Variants in RABGAP1 observed in about 807,000 individuals in gnomAD.
The protein encoded by RABGAP1 is RAB GTPase activating protein 1.
RABGAP1 carries 23 observed loss-of-function variants against 137.6 expected under a neutral mutation model. The ratio of observed to expected loss-of-function variants is 0.17; its 90% CI spans 0.12 to 0.24. RABGAP1 has a LOEUF of 0.24. Among genes scored for constraint, RABGAP1 ranks in the 10% least tolerant of loss-of-function variants. The probability of loss-of-function intolerance (pLI) is 1.00; values close to 1 mark genes in which losing one functional copy is unlikely to be tolerated. For missense variants in RABGAP1, 906 were observed against 1,275.8 expected (o/e 0.71, Z 4.42); for synonymous variants, 451 against 450.7 (o/e 1.00, Z -0.01).
chr9:122,997,091 A>G, intron 8 of RABGAP1, 168 bp from the exon 9 acceptor site: 2 of 600,032 alleles, frequency 3.3e-6, no homozygotes, highest in South Asian at 2.1e-5. Flanking sequence ...GGACAGTTGC[A>G]TAAATAATTG....
chr9:122,944,792 G>A (rs1833847152), intron 1 of RABGAP1, among the ~76,000 whole-genome samples: 1 of 151,532 alleles, frequency 6.6e-6, no homozygotes, highest in Non-Finnish European at 1.5e-5. Flanking sequence ...GGCCAGGCTG[G>A]TCTCGAACTC....
chr9:123,080,702 G>A (rs2034678975), intron 19 of RABGAP1, among the ~76,000 whole-genome samples: 1 of 152,056 alleles, frequency 6.6e-6, no homozygotes, highest in African/African-American at 2.4e-5. Context: ...ACCTCGAAAG[G>A]GCGGTTCATG....
intron 12 of RABGAP1, among the ~76,000 whole-genome samples, chr9:123,016,368 G>A (rs653441): frequency 0.62 from 94,836 of 151,936 alleles, 36,750 homozygotes; most frequent in Non-Finnish European, 0.86. Context: ...TTAACTGGGC[G>A]TGGTGACGCA....
chr9:123,098,944 C>T lies in RABGAP1; in HGVS notation c.2817+146C>T, dbSNP rs1399880004. The T allele has an allele frequency of 9.2e-5, 51 of 551,362 alleles. No individual in the cohort carries two copies. The South Asian group carries it at 1.2e-3, about 13-fold the overall frequency. 34.2% of individuals were successfully genotyped at this position (551,362 alleles called of 1,614,324 possible). A position where few individuals can be genotyped will look rare whatever the true frequency, so the allele number is the denominator to read the frequency against. ...CTGCCCCTGCACTGACAAGTGGCTT[C>T]ACTTATTCTCAGTTGTAAAAGAAGG... On this transcript the variant is annotated intron_variant, in intron 23 of 25. Transcript: ENST00000373647.
At chr9:123,039,439 CTG>C (rs2032843389) in intron 13 of RABGAP1, among the ~76,000 whole-genome samples, 1 of 152,138 alleles carries the variant, frequency 6.6e-6, no homozygotes, top group Non-Finnish European at 1.5e-5. Flanking sequence ...ATAAATGACT[CTG>C]TAATTATTGC....
At chr9:122,986,165 C>T in intron 3 of RABGAP1, 50 bp from the exon 4 acceptor site, 2 of 1,544,474 alleles carry the variant, frequency 1.3e-6, no homozygotes, top group Non-Finnish European at 1.8e-6. Flanking sequence ...ATCGTATCAA[C>T]AAAATATCAA....
intron 10 of RABGAP1, among the ~76,000 whole-genome samples, chr9:123,008,796 A>G (rs2030542304): frequency 6.6e-6 from 1 of 152,154 alleles, no homozygotes; most frequent in Non-Finnish European, 1.5e-5. Flanking sequence ...TGGAACTTGG[A>G]TTTACATGGT....
At chr9:122,996,745 A>G (rs962309266) in intron 8 of RABGAP1, 140 bp downstream of exon 8, 21 of 739,716 alleles carry the variant, frequency 2.8e-5, no homozygotes, top group Non-Finnish European at 4.0e-5. Context: ...CAAAGGTAAG[A>G]TAATTTCCTT....
intron 10 of RABGAP1, among the ~76,000 whole-genome samples, chr9:123,001,960 A>G (rs1006664071): frequency 6.6e-5 from 10 of 152,212 alleles, no homozygotes; most frequent in Admixed American, 4.6e-4. Context: ...AGAAGAACGC[A>G]TCAGAAATTA....
In RABGAP1 at chr9:122,984,505, A is replaced by G. The variant is rs767963306; in HGVS notation, c.171A>G (p.Glu57=). ...CTTAGATTGTAGGGAATGGAAGTGA[A>G]CAGCAGCTGCAAAAAGAGCTAGCAG... The part of the protein sequence containing the change: ...TGLKIVGNGS[E]QQLQKELADV... Residue 57 remains glutamate (E), a synonymous_variant, in exon 3 of 26, where the codon GAA becomes GAG. Coordinates refer to ENST00000373647, the MANE Select transcript of RABGAP1 (RefSeq NM_012197.4). The G allele has an allele frequency of 6.2e-7, 1 of 1,614,036 alleles. No individual in the cohort carries two copies. The highest frequency in any genetic ancestry group is 2.2e-5 in the East Asian group (1 of 44,870).
At chr9:123,034,932 T>C in intron 13 of RABGAP1, 1 of 1,613,410 alleles carries the variant, frequency 6.2e-7, no homozygotes, top group Middle Eastern at 1.6e-4. Context: ...CTCTGGCCTG[T>C]ATCAGCATTG....
At chr9:123,024,890 A>G (rs1299471935) in intron 13 of RABGAP1, among the ~76,000 whole-genome samples, 1 of 152,186 alleles carries the variant, frequency 6.6e-6, no homozygotes, top group Non-Finnish European at 1.5e-5. Context: ...TCCTTTTCAT[A>G]TGCATTATAA....
intron 2 of RABGAP1, among the ~76,000 whole-genome samples, chr9:122,970,381 C>G (rs1439318615): frequency 6.6e-6 from 1 of 152,124 alleles, no homozygotes; most frequent in Admixed American, 6.6e-5. Context: ...CTGCAGTGCT[C>G]TATAAGCATG....
At chr9:122,960,175 A>G (rs982178078) in intron 2 of RABGAP1, among the ~76,000 whole-genome samples, 1 of 152,222 alleles carries the variant, frequency 6.6e-6, no homozygotes, top group African/African-American at 2.4e-5. Flanking sequence ...AAACTAGGGA[A>G]AGACACAGCT....
At chr9:123,030,961 A>T (rs562806523) in intron 13 of RABGAP1, among the ~76,000 whole-genome samples, 9 of 151,902 alleles carry the variant, frequency 5.9e-5, no homozygotes, top group South Asian at 2.1e-4. Flanking sequence ...TTTTTTTTTT[A>T]AAGTTTCTTA....
chr9:123,021,179 T>A (rs1055898336), intron 13 of RABGAP1, among the ~76,000 whole-genome samples: 25 of 152,164 alleles, frequency 1.6e-4, no homozygotes, highest in African/African-American at 6.0e-4. Context: ...GCTCAGAATC[T>A]TCAAGAATAT....
chr9:122,976,610 G>T (rs77569890), intron 2 of RABGAP1, among the ~76,000 whole-genome samples: 2,407 of 152,208 alleles, frequency 0.016, 35 homozygotes, highest in South Asian at 0.067. Flanking sequence ...TACTGCTTTG[G>T]CTTCCATTCT....
intron 13 of RABGAP1, among the ~76,000 whole-genome samples, chr9:123,036,760 CTT>C (rs2032683949): frequency 6.6e-6 from 1 of 150,678 alleles, no homozygotes; most frequent in Middle Eastern, 3.5e-3. Context: ...ACTTAAGTCT[CTT>C]ATTGCTATTT....
intron 19 of RABGAP1, among the ~76,000 whole-genome samples, chr9:123,077,533 C>G (rs1412787513): frequency 6.6e-6 from 1 of 152,116 alleles, no homozygotes; most frequent in South Asian, 2.1e-4. Context: ...TTTATCACTT[C>G]AAGTGGCATT....
Sources: allele counts gnomAD v4.1 joint callset (sites outside exome capture counted in the v4.1 genomes callset), GRCh38; gene constraint gnomAD v4.1.1; transcripts MANE v1.5; gene names NCBI Gene and HGNC (gene_info 2026-07-23, HGNC 2026-07-21).